The following KLHL14 variants were observed in gnomAD, a reference collection of about 807,000 sequenced individuals.
The protein encoded by KLHL14 is kelch like family member 14.
In KLHL14, 22 loss-of-function variants were observed where a neutral mutation model predicts 64.3. The observed-to-expected ratio is 0.34, with a 90% CI of 0.24 to 0.49. The LOEUF is 0.49. Ranked by LOEUF, KLHL14 falls within the 20% of genes least tolerant of loss-of-function variation. The pLI is 0.99. For synonymous variants in KLHL14, 322 were observed against 333.4 expected (o/e 0.97, Z 0.37); for missense variants, 661 against 789.0 (o/e 0.84, Z 1.94).
intron 2 of KLHL14, among the ~76,000 whole-genome samples, chr18:32,758,229 T>C (rs570731372): frequency 3.9e-4 from 60 of 152,198 alleles, no homozygotes; most frequent in African/African-American, 1.3e-3. Flanking sequence ...TTCAAGCAGT[T>C]TTCCTGCCTC....
chr18:32,707,812 G>A (rs558790111), intron 3 of KLHL14, among the ~76,000 whole-genome samples: 8 of 152,280 alleles, frequency 5.3e-5, no homozygotes, highest in African/African-American at 1.9e-4. Flanking sequence ...AACCTTTGGT[G>A]GTTTTGCTTT....
At chr18:32,697,007 T>G (rs1356793951) in intron 3 of KLHL14, among the ~76,000 whole-genome samples, 1 of 152,198 alleles carries the variant, frequency 6.6e-6, no homozygotes, top group African/African-American at 2.4e-5. Flanking sequence ...AAGGCATTGG[T>G]GTGTAAACCT....
chr18:32,768,944 G>A (rs1408166905), intron 2 of KLHL14, among the ~76,000 whole-genome samples: 2 of 152,112 alleles, frequency 1.3e-5, no homozygotes, highest in African/African-American at 4.8e-5. Context: ...GAGTTGCTAG[G>A]CAAGATTCAC....
intron 3 of KLHL14, among the ~76,000 whole-genome samples, chr18:32,704,142 G>C (rs912653474): frequency 6.6e-6 from 1 of 152,134 alleles, no homozygotes; most frequent in Admixed American, 6.6e-5. Context: ...TTAAGCATTT[G>C]ATAATAAAAT....
At chr18:32,711,064 T>C (rs967405399) in intron 3 of KLHL14, among the ~76,000 whole-genome samples, 2 of 152,112 alleles carry the variant, frequency 1.3e-5, no homozygotes, top group Admixed American at 1.3e-4. Flanking sequence ...CCTTAGATCT[T>C]GGTAACATTT....
At chr18:32,724,069 T>C (rs2144513155) in intron 3 of KLHL14, among the ~76,000 whole-genome samples, 1 of 152,292 alleles carries the variant, frequency 6.6e-6, no homozygotes, top group Admixed American at 6.5e-5. Flanking sequence ...GATCAAATAA[T>C]GTCAGTTACA....
At chr18:32,684,351 T>C (rs2049859768) in intron 5 of KLHL14, among the ~76,000 whole-genome samples, 1 of 152,174 alleles carries the variant, frequency 6.6e-6, no homozygotes. Flanking sequence ...GGGAAGGTGT[T>C]CTGCACTTTT....
chr18:32,769,634 T>C lies in KLHL14; in HGVS notation c.947+11A>G, dbSNP rs758899249. Reference sequence around the variant, plus strand: ...CCCCCCTCCCCCGCCCTCCTCTTTGTTGTCTCCTACCTGCTGGCCAGGCTC... The same window carrying C: ...CCCCCCTCCCCCGCCCTCCTCTTTGCTGTCTCCTACCTGCTGGCCAGGCTC... On this transcript the variant is annotated intron_variant, in intron 2 of 8. Coordinates refer to ENST00000359358, the MANE Select transcript of KLHL14 (RefSeq NM_020805.3). The C allele has an allele frequency of 9.4e-7, 1 of 1,066,248 alleles. No individual in the cohort carries two copies. The highest frequency in any genetic ancestry group is 1.3e-6 in the Non-Finnish European group (1 of 798,522). 66.0% of individuals were successfully genotyped at this position (1,066,248 alleles called of 1,614,324 possible).
chr18:32,722,690 C>T (rs2050085777), intron 3 of KLHL14, among the ~76,000 whole-genome samples: 3 of 152,170 alleles, frequency 2.0e-5, no homozygotes, highest in South Asian at 2.1e-4. Flanking sequence ...AGGCCAGGTA[C>T]AGTGGTTCAC....
intron 3 of KLHL14, among the ~76,000 whole-genome samples, chr18:32,711,924 G>A (rs12458123): frequency 9.2e-5 from 14 of 152,106 alleles, no homozygotes; most frequent in Admixed American, 8.5e-4. Flanking sequence ...AATTTACATC[G>A]CTATGTGAAT....
chr18:32,676,911 C>T (rs1523581), intron 8 of KLHL14, among the ~76,000 whole-genome samples: 40,513 of 151,952 alleles, frequency 0.27, 5,477 homozygotes, highest in African/African-American at 0.31. Context: ...GTTTGACTTT[C>T]AGTTGGGAAG....
At chr18:32,675,725 G>A (rs182389399) in intron 8 of KLHL14, among the ~76,000 whole-genome samples, 1 of 152,174 alleles carries the variant, frequency 6.6e-6, no homozygotes, top group East Asian at 1.9e-4. Flanking sequence ...GGAAAAAAAC[G>A]AAAGACCCAA....
chr18:32,717,471 A>G (rs2050052248), intron 3 of KLHL14, among the ~76,000 whole-genome samples: 1 of 152,196 alleles, frequency 6.6e-6, no homozygotes, highest in Non-Finnish European at 1.5e-5. Flanking sequence ...CTACCCCTGA[A>G]AAGTTGGTAC....
Position 32,680,739 on chromosome 18 carries a change from A to ACGTATACCT in KLHL14, c.1239-149_1239-141dup, listed in dbSNP as rs1378457119. On this transcript the variant is annotated intron_variant, in intron 5 of 8. Coordinates refer to ENST00000359358, the MANE Select transcript of KLHL14 (RefSeq NM_020805.3). The surrounding 1 kb of genome is among the most constrained non-coding windows in gnomAD (Gnocchi z 4.8). Reference sequence around the variant, plus strand: ...AGGGTTGCAAATCTTTAAAAATTACACGTATACCTTATAATTCTGAGACCT... The same window carrying ACGTATACCT: ...AGGGTTGCAAATCTTTAAAAATTACACGTATACCTCGTATACCTTATAATTCTGAGACCT... 4.2e-6 allele frequency: 3 copies of ACGTATACCT among 716,990 alleles called. No individual in the cohort carries two copies. The highest frequency in any genetic ancestry group is 6.8e-6 in the Non-Finnish European group (3 of 440,970). 44.4% of individuals were successfully genotyped at this position (716,990 alleles called of 1,614,324 possible).
intron 3 of KLHL14, among the ~76,000 whole-genome samples, chr18:32,724,611 G>GT (rs2144513710): frequency 6.6e-6 from 1 of 152,236 alleles, no homozygotes; most frequent in East Asian, 1.9e-4. Context: ...ACCTCACATT[G>GT]TTACTCTGAG....
chr18:32,772,252 GGGC>G (rs1479538940), intron 1 of KLHL14: 3 of 397,114 alleles, frequency 7.6e-6, no homozygotes, highest in South Asian at 5.3e-5. Context: ...ATACCGGACT[GGGC>G]TCCTTTCGAC....
chr18:32,746,803 G>A (rs1212370946), intron 2 of KLHL14, among the ~76,000 whole-genome samples: 1 of 152,208 alleles, frequency 6.6e-6, no homozygotes, highest in Non-Finnish European at 1.5e-5. Flanking sequence ...AGGTAATCTA[G>A]TTCCGTAATT....
At chr18:32,743,368 C>A (rs1009870700) in intron 2 of KLHL14, 1 of 151,004 alleles carries the variant, frequency 6.6e-6, no homozygotes, top group Non-Finnish European at 1.5e-5. Context: ...ACCTAACATT[C>A]GGAGAGTTAA....
At chr18:32,687,039 C>A in intron 5 of KLHL14, 116 bp downstream of exon 5, 1 of 801,332 alleles carries the variant, frequency 1.2e-6, no homozygotes, top group Non-Finnish European at 2.1e-6. Context: ...TTCTATTTTG[C>A]CTCATATGTC....
Sources: gnomAD v4.1 joint callset for allele counts (sites outside exome capture counted in the v4.1 genomes callset) on GRCh38, gnomAD v4.1.1 for gene constraint, Gnocchi (gnomAD v3.1) non-coding constraint, MANE v1.5 for transcripts, NCBI Gene and HGNC (gene_info 2026-07-23, HGNC 2026-07-21) for gene names.